The following ZNF254 variants were observed in gnomAD, a reference collection of about 807,000 sequenced individuals.
The protein encoded by ZNF254 is CTD-2017D11.1.
A neutral mutation model predicts 12.4 loss-of-function variants in ZNF254; 10 were observed. The ratio of observed to expected loss-of-function variants is 0.80; its 90% CI spans 0.50 to 1.36. The LOEUF is 1.36. ZNF254 is among the 40% of genes most tolerant of loss of function. The pLI is 0.00. For synonymous variants in ZNF254, 305 were observed against 253.4 expected (o/e 1.20, Z -1.93); for missense variants, 996 against 763.9 (o/e 1.30, Z -3.58).
At chr19:24,073,947 T>C (rs918422137) in intron 2 of ZNF254, among the ~76,000 whole-genome samples, 2 of 152,196 alleles carry the variant, frequency 1.3e-5, no homozygotes, top group Admixed American at 6.5e-5. Context: ...TTCTCCTCCC[T>C]GGTGCCCAGC....
intron 1 of ZNF254, among the ~76,000 whole-genome samples, chr19:24,088,479 A>C (rs1361752805): frequency 2.6e-5 from 4 of 151,952 alleles, no homozygotes. Context: ...GCAGGGCCTC[A>C]AGTCCACCCC....
At chr19:24,118,683 A>G (rs776845173) in intron 3 of ZNF254, among the ~76,000 whole-genome samples, 1 of 152,012 alleles carries the variant, frequency 6.6e-6, no homozygotes, top group Non-Finnish European at 1.5e-5. Flanking sequence ...GTTTACTTAC[A>G]TATGCAGAAA....
intron 1 of ZNF254, among the ~76,000 whole-genome samples, chr19:24,042,669 G>GT (rs1970223374): frequency 6.6e-6 from 1 of 152,178 alleles, no homozygotes; most frequent in African/African-American, 2.4e-5. Flanking sequence ...TGAAGTCAGT[G>GT]AGACCAAGAA....
chr19:24,082,669 A>AG (rs1307610234), upstream of ZNF254, among the ~76,000 whole-genome samples: 1 of 144,778 alleles, frequency 6.9e-6, no homozygotes, highest in East Asian at 2.1e-4. Flanking sequence ...AAAAAAAAAA[A>AG]CCCAAAAAAC....
chr19:24,034,713 G>A (rs1190461901), intron 1 of ZNF254, among the ~76,000 whole-genome samples: 1 of 151,752 alleles, frequency 6.6e-6, no homozygotes, highest in Non-Finnish European at 1.5e-5. Context: ...TGGACAAGAG[G>A]TAATCCACCC....
At chr19:24,123,246 C>G (rs148999419) in intron 3 of ZNF254, among the ~76,000 whole-genome samples, 1 of 152,136 alleles carries the variant, frequency 6.6e-6, no homozygotes. Flanking sequence ...GTTTTATACT[C>G]GTACTCCATT....
Position 24,126,816 on chromosome 19 carries a change from T to G in ZNF254, c.816T>G (p.Gly272=), listed in dbSNP as rs10421408. The G allele has an allele frequency of 1.1e-3, 1,700 of 1,612,070 alleles. 15 individuals are homozygous for G. The African/African-American group carries it at 0.02, about 19-fold the overall frequency. The change falls in exon 4 of 4, where the codon GGT becomes GGG. Residue 272 remains glycine (G), a synonymous_variant. Coordinates refer to ENST00000357002, the MANE Select transcript of ZNF254 (RefSeq NM_203282.4). ...AACTCTACAAATGTGAAGAATGTGG[T>G]GAAGCTTTTAATCGATCCTCAAATC... ...GEKLYKCEEC[G]EAFNRSSNLT... is the part of the protein sequence containing the mutation.
At chr19:24,109,213 CTATT>C (rs1973515993) in intron 3 of ZNF254, among the ~76,000 whole-genome samples, 1 of 152,132 alleles carries the variant, frequency 6.6e-6, no homozygotes, top group South Asian at 2.1e-4. Flanking sequence ...AAATGCTTAT[CTATT>C]AAAAGTTTCT....
At position 24,081,076 on chromosome 19, in the gene ZNF254, C is replaced by CAA. The variant is rs112442439; in HGVS notation, c.-93-24849_-93-24848dup. Among the ~76,000 whole-genome samples, 12 of 123,454 alleles carry CAA rather than the reference C, an allele frequency of 9.7e-5. No homozygotes were observed. In the East Asian group the frequency reaches 2.4e-3, roughly 25 times the overall value. 81.0% of individuals were successfully genotyped at this position (123,454 alleles called of 152,430 possible). A position where few individuals can be genotyped will look rare whatever the true frequency, so the allele number is the denominator to read the frequency against. Reference sequence around the variant, plus strand: ...TGGGCGACAGAGTGAGACTCCTTCTCAAAAAAAAAAAAAAAAGAATATTAA... The same window carrying CAA: ...TGGGCGACAGAGTGAGACTCCTTCTCAAAAAAAAAAAAAAAAAAGAATATTAA... On this transcript the variant is annotated intron_variant, in intron 2 of 4. Transcript: ENST00000613065.
upstream of ZNF254, among the ~76,000 whole-genome samples, chr19:24,084,552 A>G (rs1365258246): frequency 6.6e-6 from 1 of 151,802 alleles, no homozygotes; most frequent in East Asian, 1.9e-4. Flanking sequence ...AAAACTTTGG[A>G]AATAATAATA....
chr19:24,115,862 C>A (rs567604522), intron 3 of ZNF254, among the ~76,000 whole-genome samples: 13 of 152,152 alleles, frequency 8.5e-5, no homozygotes, highest in African/African-American at 3.1e-4. Context: ...TTTAGTACTT[C>A]CTTCAGGAGC....
chr19:24,050,955 G>A (rs1970624846), intron 2 of ZNF254, among the ~76,000 whole-genome samples: 2 of 152,010 alleles, frequency 1.3e-5, no homozygotes, highest in Admixed American at 1.3e-4. Flanking sequence ...GCCTGCCTTG[G>A]CCTCCCAAAG....
intron 2 of ZNF254, among the ~76,000 whole-genome samples, chr19:24,053,511 C>T (rs566450703): frequency 1.8e-4 from 28 of 151,526 alleles, no homozygotes; most frequent in Non-Finnish European, 3.7e-4. Flanking sequence ...AGTCTATTCT[C>T]TTGTCTTAGT....
intron 1 of ZNF254, among the ~76,000 whole-genome samples, chr19:24,035,142 A>G (rs1969917945): frequency 1.3e-5 from 2 of 152,146 alleles, no homozygotes; most frequent in Admixed American, 6.5e-5. Flanking sequence ...TATTTTACCC[A>G]GAAGTCAGCC....
intron 2 of ZNF254, among the ~76,000 whole-genome samples, chr19:24,081,299 T>G (rs1010697912): frequency 1.3e-5 from 2 of 152,092 alleles, no homozygotes; most frequent in African/African-American, 4.8e-5. Context: ...CGTAGCAATT[T>G]CTCTTTCAGT....
chr19:24,110,028 C>T (rs1193386906), intron 3 of ZNF254, among the ~76,000 whole-genome samples: 2 of 151,956 alleles, frequency 1.3e-5, no homozygotes, highest in Non-Finnish European at 2.9e-5. Context: ...CGTACCCGGC[C>T]TCTTAACTCA....
chr19:24,040,657 G>T (rs11878835), intron 1 of ZNF254, among the ~76,000 whole-genome samples: 24,364 of 152,152 alleles, frequency 0.16, 2,124 homozygotes, highest in Middle Eastern at 0.23. Context: ...CACAATGCGA[G>T]TTTCCCAGCA....
Position 24,106,243 on chromosome 19 carries a change from C to T in ZNF254, c.157+177C>T, listed in dbSNP as rs576435854. 474 of 867,010 alleles carry T rather than the reference C, an allele frequency of 5.5e-4. No homozygotes were observed. The Middle Eastern group carries it at 0.013, about 24-fold the overall frequency. 53.7% of individuals were successfully genotyped at this position (867,010 alleles called of 1,614,324 possible). On this transcript the variant is annotated intron_variant, in intron 2 of 3. Transcript: ENST00000357002. ...CATCTTGACCTGAACTTTCCACATT[C>T]CTGAGCTAATCTGTGTCCTGCACTT... is the stretch of plus-strand genomic sequence containing the variant.
At chr19:24,055,299 A>C (rs1970808792) in intron 2 of ZNF254, among the ~76,000 whole-genome samples, 1 of 142,994 alleles carries the variant, frequency 7.0e-6, no homozygotes, top group African/African-American at 2.5e-5. Flanking sequence ...TTTTCTTTTG[A>C]GATGAAGTCT....
Sources: gnomAD v4.1 joint callset for allele counts (sites outside exome capture counted in the v4.1 genomes callset) on GRCh38, gnomAD v4.1.1 for gene constraint, MANE v1.5 for transcripts, NCBI Gene and HGNC (gene_info 2026-07-23, HGNC 2026-07-21) for gene names.